MYO5B: variants seen among roughly 807,000 people sequenced by gnomAD.
The protein encoded by MYO5B is myosin VB.
A neutral mutation model predicts 229.3 loss-of-function variants in MYO5B; 143 were observed. The observed-to-expected ratio is 0.62, with a 90% CI of 0.54 to 0.72. The LOEUF (loss-of-function observed/expected upper bound fraction) is 0.72. Ranked by LOEUF, MYO5B falls within the 30% of genes least tolerant of loss-of-function variation. The probability of loss-of-function intolerance (pLI) is 0.00; values close to 1 mark genes in which losing one functional copy is unlikely to be tolerated. For synonymous variants in MYO5B, 918 were observed against 885.2 expected (o/e 1.04, Z -0.66); for missense variants, 2,321 against 2,331.0 (o/e 1.00, Z 0.09).
At chr18:50,184,181 C>T (rs954789454) in intron 1 of MYO5B, among the ~76,000 whole-genome samples, 4 of 152,238 alleles carry the variant, frequency 2.6e-5, no homozygotes, top group Admixed American at 6.5e-5. Flanking sequence ...TAAGGAAAAC[C>T]AAAAGCAGGG....
At chr18:50,054,413 T>TGGC (rs2030487511) in intron 2 of MYO5B, among the ~76,000 whole-genome samples, 1 of 152,230 alleles carries the variant, frequency 6.6e-6, no homozygotes, top group African/African-American at 2.4e-5. Context: ...CCATTTATCA[T>TGGC]AATACTTTGT....
chr18:49,883,078 C>T (rs1413454693), intron 22 of MYO5B, among the ~76,000 whole-genome samples: 1 of 152,254 alleles, frequency 6.6e-6, no homozygotes, highest in East Asian at 1.9e-4. Context: ...GCTCATACCA[C>T]ACTTTATGGT....
intron 35 of MYO5B, chr18:49,839,992 CCAT>C (rs1227988155): frequency 2.0e-5 from 3 of 153,012 alleles, no homozygotes; most frequent in African/African-American, 7.2e-5. Flanking sequence ...AAATACAAAG[CCAT>C]CTTAATATGA....
intron 1 of MYO5B, among the ~76,000 whole-genome samples, chr18:50,162,995 T>A (rs1335040516): frequency 6.6e-6 from 1 of 152,172 alleles, no homozygotes; most frequent in Non-Finnish European, 1.5e-5. Context: ...GAGGCAGTCA[T>A]GTTTTACATT....
chr18:50,178,309 A>G (rs1414004867), intron 1 of MYO5B, among the ~76,000 whole-genome samples: 1 of 152,204 alleles, frequency 6.6e-6, no homozygotes, highest in Non-Finnish European at 1.5e-5. Flanking sequence ...ACCCCCTGCT[A>G]AATCAGAAAG....
intron 1 of MYO5B, among the ~76,000 whole-genome samples, chr18:50,183,854 G>A (rs1255763525): frequency 1.3e-5 from 2 of 152,160 alleles, no homozygotes; most frequent in East Asian, 1.9e-4. Context: ...GACTGGATTC[G>A]TTCTCCTGGG....
chr18:49,836,616 C>A, intron 38 of MYO5B, 95 bp downstream of exon 38: 2 of 1,429,534 alleles, frequency 1.4e-6, no homozygotes, highest in Non-Finnish European at 2.0e-6. Flanking sequence ...GGTGGGAGTG[C>A]AACACTAACA....
chr18:49,838,324 C>A (rs1354609280), intron 36 of MYO5B, among the ~76,000 whole-genome samples: 1 of 152,140 alleles, frequency 6.6e-6, no homozygotes, highest in Non-Finnish European at 1.5e-5. Flanking sequence ...TAGGGAGTGG[C>A]AGGGCCAGGA....
Position 49,939,391 on chromosome 18 carries a change from G to A in MYO5B, c.1753-1994C>T, listed in dbSNP as rs374950524. Among the ~76,000 whole-genome samples, 14 of 152,178 alleles carry A rather than the reference G, an allele frequency of 9.2e-5. No individual in the cohort carries two copies. In the East Asian group the frequency reaches 1.4e-3, roughly 15 times the overall value. ...GATCTCTTGACCTCGTGATCCGCCC[G>A]CCTCGGCCTTCCAAAGTGCTGGGAT... On this transcript the variant is annotated intron_variant, in intron 14 of 39. Coordinates refer to ENST00000285039, the MANE Select transcript of MYO5B (RefSeq NM_001080467.3).
At chr18:49,985,656 T>TAATATCCTGCCTGGC (rs2025862760) in intron 7 of MYO5B, among the ~76,000 whole-genome samples, 1 of 152,200 alleles carries the variant, frequency 6.6e-6, no homozygotes, top group Non-Finnish European at 1.5e-5. Flanking sequence ...TCCTGCCTGG[T>TAATATCCTGCCTGGC]ACTATCCTGC....
At chr18:50,108,767 C>T (rs939121255) in intron 1 of MYO5B, among the ~76,000 whole-genome samples, 4 of 152,142 alleles carry the variant, frequency 2.6e-5, no homozygotes, top group Admixed American at 6.5e-5. Flanking sequence ...TATGTAGTAA[C>T]TCTACTATTG....
chr18:50,102,534 G>T (rs1246319967), intron 1 of MYO5B, among the ~76,000 whole-genome samples: 1 of 152,072 alleles, frequency 6.6e-6, no homozygotes, highest in African/African-American at 2.4e-5. Context: ...CTACAGATTA[G>T]GAATACTAAT....
chr18:50,004,672 G>A (rs563328986), intron 4 of MYO5B, among the ~76,000 whole-genome samples: 10 of 152,290 alleles, frequency 6.6e-5, no homozygotes, highest in African/African-American at 2.2e-4. Context: ...GGAGGCTGAG[G>A]CAGGAGGATC....
At chr18:50,016,800 T>G (rs901054065) in intron 4 of MYO5B, among the ~76,000 whole-genome samples, 1 of 151,998 alleles carries the variant, frequency 6.6e-6, no homozygotes, top group Non-Finnish European at 1.5e-5. Context: ...TGCTTCTCAT[T>G]GCCTACCAAT....
intron 12 of MYO5B, 144 bp downstream of exon 12, chr18:49,962,122 T>C: frequency 1.9e-6 from 2 of 1,035,098 alleles, no homozygotes; most frequent in Non-Finnish European, 3.0e-6. Context: ...GGTACATGCT[T>C]CTAGTATGCA....
intron 1 of MYO5B, among the ~76,000 whole-genome samples, chr18:50,146,627 C>T (rs1474836536): frequency 6.6e-6 from 1 of 152,194 alleles, no homozygotes; most frequent in African/African-American, 2.4e-5. Context: ...CTAGTCCTTG[C>T]TGTCTGGGAT....
intron 2 of MYO5B, 128 bp from the exon 3 acceptor site, chr18:50,040,442 A>C: frequency 9.7e-7 from 1 of 1,029,512 alleles, no homozygotes; most frequent in Admixed American, 1.8e-5. Context: ...AATGTTTTAA[A>C]GAAAGACAAG....
intron 1 of MYO5B, among the ~76,000 whole-genome samples, chr18:50,100,917 G>C (rs2031642505): frequency 6.6e-6 from 1 of 152,178 alleles, no homozygotes. Context: ...GGAGGGACAG[G>C]GCTTGGGCCA....
At chr18:49,927,826 T>C (rs142147917) in intron 17 of MYO5B, among the ~76,000 whole-genome samples, 6,370 of 152,308 alleles carry the variant, frequency 0.042, 182 homozygotes, top group South Asian at 0.16. Context: ...CTTCTAGACA[T>C]TGGCTTGGGC....
Sources: gnomAD v4.1 joint callset for allele counts (sites outside exome capture counted in the v4.1 genomes callset) on GRCh38, gnomAD v4.1.1 for gene constraint, MANE v1.5 for transcripts, NCBI Gene and HGNC (gene_info 2026-07-23, HGNC 2026-07-21) for gene names.